The following TENM4 variants were observed in gnomAD, a reference collection of about 807,000 sequenced individuals.
The protein encoded by TENM4 is teneurin transmembrane protein 4.
TENM4 carries 82 observed loss-of-function variants against 243.3 expected under a neutral mutation model. That is an observed-to-expected ratio of 0.34 (90% CI 0.28 to 0.40). TENM4 has a LOEUF of 0.40. Ranked by LOEUF, TENM4 falls within the 10% of genes least tolerant of loss-of-function variation. The pLI is 1.00. For synonymous variants in TENM4, 1,412 were observed against 1,456.3 expected (o/e 0.97, Z 0.69); for missense variants, 3,138 against 3,673.3 (o/e 0.85, Z 3.77).
chr11:79,237,357 C>G (rs547084352), intron 2 of TENM4, among the ~76,000 whole-genome samples: 1 of 152,282 alleles, frequency 6.6e-6, no homozygotes, highest in East Asian at 1.9e-4. Flanking sequence ...GAAATCAGAT[C>G]ACCTGGCTTA....
chr11:79,307,441 A>T (rs1342856535), intron 1 of TENM4, among the ~76,000 whole-genome samples: 2 of 152,082 alleles, frequency 1.3e-5, no homozygotes, highest in African/African-American at 2.4e-5. Flanking sequence ...GATCTAAGCC[A>T]TCTTTGAGTC....
At chr11:78,819,217 G>A (rs867002974) in intron 12 of TENM4, among the ~76,000 whole-genome samples, 53 of 152,302 alleles carry the variant, frequency 3.5e-4, no homozygotes, top group Middle Eastern at 3.4e-3. Context: ...CCACTGCGGT[G>A]CCCGTTTTGA....
chr11:79,266,613 C>T (rs1855888134), intron 2 of TENM4, among the ~76,000 whole-genome samples: 1 of 152,178 alleles, frequency 6.6e-6, no homozygotes, highest in African/African-American at 2.4e-5. Context: ...TCTTTACAAC[C>T]TTCCACTTAC....
chr11:79,373,010 G>A (rs1857816876), intron 1 of TENM4, among the ~76,000 whole-genome samples: 1 of 152,132 alleles, frequency 6.6e-6, no homozygotes, highest in South Asian at 2.1e-4. Flanking sequence ...GAAATGCTTA[G>A]GATAGGAAGT....
chr11:78,788,734 T>C (rs901847347), intron 15 of TENM4, among the ~76,000 whole-genome samples: 3 of 152,184 alleles, frequency 2.0e-5, no homozygotes, highest in Non-Finnish European at 4.4e-5. Flanking sequence ...TCTAGGAGGT[T>C]TGTGAGATCT....
intron 4 of TENM4, among the ~76,000 whole-genome samples, chr11:79,095,243 A>T (rs1045605946): frequency 3.9e-5 from 6 of 152,064 alleles, no homozygotes; most frequent in African/African-American, 1.4e-4. Context: ...CCTTTTTCAT[A>T]TGAGGAAATG....
intron 4 of TENM4, among the ~76,000 whole-genome samples, chr11:79,103,900 A>G (rs1372495271): frequency 2.0e-5 from 3 of 152,150 alleles, no homozygotes; most frequent in Non-Finnish European, 1.5e-5. Context: ...GGTTTTTTGA[A>G]TGGACCAAAT....
intron 6 of TENM4, among the ~76,000 whole-genome samples, chr11:78,974,727 T>TC (rs1207273266): frequency 6.6e-6 from 1 of 150,382 alleles, no homozygotes; most frequent in African/African-American, 2.4e-5. Flanking sequence ...TCTTTTCTTT[T>TC]TTTTTTTTTT....
At chr11:78,796,978 T>A (rs770804179) in intron 15 of TENM4, among the ~76,000 whole-genome samples, 3 of 152,248 alleles carry the variant, frequency 2.0e-5, no homozygotes, top group Non-Finnish European at 4.4e-5. Context: ...GAAACCCTTG[T>A]AGTAATATTA....
At chr11:78,941,048 C>G (rs528417741) in intron 6 of TENM4, among the ~76,000 whole-genome samples, 1 of 152,268 alleles carries the variant, frequency 6.6e-6, no homozygotes, top group Admixed American at 6.5e-5. Flanking sequence ...TTTGAATGCC[C>G]AGGCAGGCAT....
At chr11:79,239,847 A>G (rs1421500876) in intron 2 of TENM4, among the ~76,000 whole-genome samples, 1 of 152,138 alleles carries the variant, frequency 6.6e-6, no homozygotes, top group African/African-American at 2.4e-5. Context: ...GATAGGAAAG[A>G]CCACGCGCAG....
intron 6 of TENM4, among the ~76,000 whole-genome samples, chr11:78,977,519 A>G (rs1857688984): frequency 6.6e-6 from 1 of 152,254 alleles, no homozygotes; most frequent in African/African-American, 2.4e-5. Context: ...GTCTGACTCC[A>G]GAGCCCATTT....
intron 1 of TENM4, among the ~76,000 whole-genome samples, chr11:79,432,543 C>G (rs955621761): frequency 1.3e-5 from 2 of 152,144 alleles, no homozygotes; most frequent in Non-Finnish European, 2.9e-5. Flanking sequence ...TTTTACCGAA[C>G]AGAAGATACT....
At chr11:79,287,329 C>T (rs1856274792) in intron 2 of TENM4, among the ~76,000 whole-genome samples, 1 of 152,110 alleles carries the variant, frequency 6.6e-6, no homozygotes, top group African/African-American at 2.4e-5. Flanking sequence ...GAAGAGGAAT[C>T]TTCTCCACAT....
intron 1 of TENM4, among the ~76,000 whole-genome samples, chr11:79,313,941 A>G (rs901142903): frequency 1.2e-4 from 18 of 152,102 alleles, no homozygotes; most frequent in Admixed American, 9.8e-4. Context: ...CCGGTGGCCA[A>G]TCCTTTCTCC....
chr11:79,386,506 C>T (rs1191506054), intron 1 of TENM4, among the ~76,000 whole-genome samples: 1 of 151,966 alleles, frequency 6.6e-6, no homozygotes, highest in Non-Finnish European at 1.5e-5. Flanking sequence ...TTAACAATAT[C>T]TGGCAAATGA....
chr11:79,133,324 A>C (rs1862047328), intron 4 of TENM4, among the ~76,000 whole-genome samples: 1 of 152,176 alleles, frequency 6.6e-6, no homozygotes, highest in Non-Finnish European at 1.5e-5. Context: ...TCCTGAACAG[A>C]CCAATAACAA....
intron 6 of TENM4, among the ~76,000 whole-genome samples, chr11:79,030,968 GCAGAGAAGGA>G (rs1424977645): frequency 6.6e-6 from 1 of 152,180 alleles, no homozygotes; most frequent in East Asian, 1.9e-4. Context: ...TGGGGGGAAG[GCAGAGAAGGA>G]CAGAGAAAGG....
chr11:79,271,043 G>A (rs1460366862), intron 2 of TENM4, among the ~76,000 whole-genome samples: 3 of 152,106 alleles, frequency 2.0e-5, no homozygotes, highest in Non-Finnish European at 2.9e-5. Flanking sequence ...TTTGTCTGCT[G>A]GGGAAATTGA....
Sources: gnomAD v4.1 joint callset for allele counts (sites outside exome capture counted in the v4.1 genomes callset) on GRCh38, gnomAD v4.1.1 for gene constraint, MANE v1.5 for transcripts, NCBI Gene and HGNC (gene_info 2026-07-23, HGNC 2026-07-21) for gene names.